VPS13B: variants seen among roughly 807,000 people sequenced by gnomAD.
VPS13B encodes the protein intermembrane lipid transfer protein VPS13B.
VPS13B carries 285 observed loss-of-function variants against 426.4 expected under a neutral mutation model. The ratio of observed to expected loss-of-function variants is 0.67; its 90% CI spans 0.61 to 0.74. VPS13B has a LOEUF of 0.74. VPS13B is among the 30% of genes least tolerant of loss of function. VPS13B has a pLI of 0.00. For synonymous variants in VPS13B, 1,676 were observed against 1,676.4 expected (o/e 1.00, Z 0.01); for missense variants, 4,537 against 4,782.6 (o/e 0.95, Z 1.51).
intron 35 of VPS13B, among the ~76,000 whole-genome samples, chr8:99,673,613 A>G (rs1261700017): frequency 6.6e-6 from 1 of 150,870 alleles, no homozygotes; most frequent in African/African-American, 2.4e-5. Context: ...TTCTGCTCTG[A>G]TCTTTATTTT....
intron 33 of VPS13B, among the ~76,000 whole-genome samples, chr8:99,596,000 AAAT>A (rs1826991510): frequency 1.3e-5 from 2 of 151,978 alleles, no homozygotes; most frequent in South Asian, 2.1e-4. Flanking sequence ...AAAAAAAGTC[AAAT>A]AATAACAAGT....
At chr8:99,155,289 A>AC (rs1246950597) in intron 14 of VPS13B, among the ~76,000 whole-genome samples, 1 of 152,236 alleles carries the variant, frequency 6.6e-6, no homozygotes, top group Non-Finnish European at 1.5e-5. Context: ...AGAAAGAACA[A>AC]CACAGATAAT....
chr8:99,134,244 T>C (rs1404394464), intron 8 of VPS13B, among the ~76,000 whole-genome samples: 1 of 152,174 alleles, frequency 6.6e-6, no homozygotes, highest in Non-Finnish European at 1.5e-5. Context: ...GTGAGAAGTC[T>C]TGGAAATGAC....
At chr8:99,123,034 T>C (rs944553485) in intron 8 of VPS13B, among the ~76,000 whole-genome samples, 1 of 147,298 alleles carries the variant, frequency 6.8e-6, no homozygotes, top group African/African-American at 2.5e-5. Flanking sequence ...GGCAGGAGAA[T>C]TGCTTGAACC....
intron 36 of VPS13B, among the ~76,000 whole-genome samples, chr8:99,714,440 A>G (rs1021916483): frequency 1.2e-4 from 18 of 152,184 alleles, no homozygotes; most frequent in African/African-American, 4.3e-4. Context: ...AAATCATTGC[A>G]GGTGAGACCA....
intron 31 of VPS13B, among the ~76,000 whole-genome samples, chr8:99,564,924 T>C (rs561582618): frequency 1.3e-5 from 2 of 152,328 alleles, no homozygotes; most frequent in Admixed American, 1.3e-4. Flanking sequence ...TCACTTTCTT[T>C]TTCTTTTTCT....
At chr8:99,744,520 C>T (rs1416313601) in intron 39 of VPS13B, among the ~76,000 whole-genome samples, 2 of 152,104 alleles carry the variant, frequency 1.3e-5, no homozygotes, top group Admixed American at 6.6e-5. Context: ...CACATGCACA[C>T]GTATATTTAT....
chr8:99,178,893 A>T (rs933581626), intron 16 of VPS13B, among the ~76,000 whole-genome samples: 1 of 152,146 alleles, frequency 6.6e-6, no homozygotes, highest in African/African-American at 2.4e-5. Context: ...AAGTGCAGGG[A>T]TTACAGGTGT....
rs1817707215 is a variant in VPS13B at position 99,876,468 on chromosome 8, A to C, written c.*802A>C. The C allele has an allele frequency of 6.6e-6, 1 of 152,244 alleles. No homozygotes were observed. The highest frequency in any genetic ancestry group is 2.1e-4 in the South Asian group (1 of 4,828). The allele number at this position is 152,244 out of a possible 1,614,324, so 9.4% of individuals were successfully genotyped here. ...GAGTAAATCCTTTGTCCTATATTGA[A>C]TCCAGTCCCAAAGTGTTCAGGTGAG... On this transcript the variant is annotated 3_prime_UTR_variant, in exon 62 of 62. Transcript: ENST00000357162.
chr8:99,015,641 C>G (rs192085557), intron 2 of VPS13B, among the ~76,000 whole-genome samples: 1 of 151,884 alleles, frequency 6.6e-6, no homozygotes, highest in South Asian at 2.1e-4. Context: ...CGGTGGTTCA[C>G]GCCTGTAACC....
chr8:99,699,609 A>C lies in VPS13B; in HGVS notation c.6131A>C (p.Lys2044Thr), dbSNP rs1264447252. 1 of 1,613,994 alleles carries C rather than the reference A, an allele frequency of 6.2e-7. No homozygotes were observed. The highest frequency in any genetic ancestry group is 8.5e-7 in the Non-Finnish European group (1 of 1,180,010). The change falls in exon 36 of 62, where the codon AAG (lysine) becomes ACG (threonine). Residue 2044 changes from lysine (K) to threonine (T), a missense_variant. By Grantham distance (78) the Lys-to-Thr change is moderately conservative. Coordinates refer to ENST00000357162, the MANE Select transcript of VPS13B (RefSeq NM_152564.5). ...KLDQINLFLKKIKNAHSLAHS... is the reference protein window; with the variant it reads ...KLDQINLFLKTIKNAHSLAHS... ...GATCAGATAAACCTTTTTTTAAAGAAGATAAAAAATGCACACAGTTTGGCA... is the reference window on the plus strand; with the variant it reads ...GATCAGATAAACCTTTTTTTAAAGACGATAAAAAATGCACACAGTTTGGCA...
intron 31 of VPS13B, among the ~76,000 whole-genome samples, chr8:99,564,181 AT>A (rs541664529): frequency 2.0e-5 from 3 of 151,662 alleles, no homozygotes; most frequent in African/African-American, 4.8e-5. Flanking sequence ...TAAAACCTTA[AT>A]TTTTTTTTAT....
chr8:99,014,002 C>A, intron 2 of VPS13B, 67 bp downstream of exon 2: 1 of 1,607,546 alleles, frequency 6.2e-7, no homozygotes, highest in East Asian at 2.2e-5. Context: ...TCTATTGTTT[C>A]CTAAGCTTTG....
At chr8:99,782,914 G>A (rs889248367) in intron 42 of VPS13B, among the ~76,000 whole-genome samples, 5 of 152,090 alleles carry the variant, frequency 3.3e-5, no homozygotes, top group Admixed American at 6.6e-5. Flanking sequence ...CTCTTTTGGC[G>A]ATTAGTGTGA....
At chr8:99,459,274 C>A (rs1818705520) in intron 23 of VPS13B, among the ~76,000 whole-genome samples, 1 of 152,098 alleles carries the variant, frequency 6.6e-6, no homozygotes, top group African/African-American at 2.4e-5. Flanking sequence ...TCTTCTATCA[C>A]CTTATTGAGT....
At chr8:99,111,364 TGAA>T (rs772241166) in intron 6 of VPS13B, 85 bp downstream of exon 6, 16 of 1,156,628 alleles carry the variant, frequency 1.4e-5, no homozygotes, top group Admixed American at 2.4e-5. Flanking sequence ...TATTAACAAA[TGAA>T]GAAATTAACC....
intron 43 of VPS13B, among the ~76,000 whole-genome samples, chr8:99,794,384 T>C (rs1228039989): frequency 6.6e-6 from 1 of 152,190 alleles, no homozygotes; most frequent in East Asian, 1.9e-4. Flanking sequence ...ATACGATAAC[T>C]ACAGTAGACA....
At chr8:99,047,415 CTCT>C (rs909322715) in intron 3 of VPS13B, among the ~76,000 whole-genome samples, 1 of 152,058 alleles carries the variant, frequency 6.6e-6, no homozygotes, top group African/African-American at 2.4e-5. Flanking sequence ...TGGATTTTCT[CTCT>C]TCTTTTTTGG....
intron 19 of VPS13B, among the ~76,000 whole-genome samples, chr8:99,359,448 G>C (rs1307253757): frequency 6.6e-6 from 1 of 152,118 alleles, no homozygotes; most frequent in Non-Finnish European, 1.5e-5. Context: ...TTCATGAAGA[G>C]AGATGAACAT....
Sources: gnomAD v4.1 joint callset for allele counts (sites outside exome capture counted in the v4.1 genomes callset) on GRCh38, gnomAD v4.1.1 for gene constraint, MANE v1.5 for transcripts, NCBI Gene and HGNC (gene_info 2026-07-23, HGNC 2026-07-21) for gene names.